Variants in GUCY1A2 observed in about 807,000 individuals in gnomAD.
GUCY1A2 encodes the protein guanylate cyclase soluble subunit alpha-2.
In GUCY1A2, 27 loss-of-function variants were observed where a neutral mutation model predicts 63.5. That is an observed-to-expected ratio of 0.43 (90% CI 0.31 to 0.59). GUCY1A2 has a LOEUF of 0.59. Among genes scored for constraint, GUCY1A2 ranks in the 20% least tolerant of loss-of-function variants. The pLI, the probability that GUCY1A2 is intolerant of heterozygous loss-of-function variation, is 0.11. For synonymous variants in GUCY1A2, 364 were observed against 343.5 expected (o/e 1.06, Z -0.66); for missense variants, 768 against 913.3 (o/e 0.84, Z 2.05).
At chr11:106,913,140 TA>T (rs1860318927) in intron 4 of GUCY1A2, among the ~76,000 whole-genome samples, 2 of 148,504 alleles carry the variant, frequency 1.3e-5, no homozygotes, top group African/African-American at 4.9e-5. Context: ...TATATATATA[TA>T]TAAAAGCAAT....
chr11:106,875,553 T>C (rs1324099244), intron 4 of GUCY1A2, among the ~76,000 whole-genome samples: 1 of 152,080 alleles, frequency 6.6e-6, no homozygotes, highest in Admixed American at 6.6e-5. Context: ...GACTTCATTG[T>C]TAAGAAAACT....
Position 106,677,137 on chromosome 11 carries a change from T to A in GUCY1A2, c.*10412A>T, listed in dbSNP as rs1212487981. On this transcript the variant is annotated 3_prime_UTR_variant, in exon 8 of 8. Coordinates refer to ENST00000526355, the MANE Select transcript of GUCY1A2 (RefSeq NM_000855.3). ...CAAATAGTAAAGTACTATTGTCATT[T>A]ATCTTATAAGAGCTAGAAAGAAATA... 4.6e-6 allele frequency: 1 copy of A among 217,928 alleles called. No individual in the cohort carries two copies. Among genetic ancestry groups the A allele is most frequent in the African/African-American group, 2.2e-5 (1 of 44,574 alleles). 13.5% of individuals were successfully genotyped at this position (217,928 alleles called of 1,614,324 possible).
chr11:106,856,679 G>A (rs1321543784), intron 4 of GUCY1A2, among the ~76,000 whole-genome samples: 1 of 152,122 alleles, frequency 6.6e-6, no homozygotes, highest in Non-Finnish European at 1.5e-5. Context: ...TGAGAAGCAA[G>A]ACTGGCACCT....
chr11:106,714,489 A>C (rs957388040), intron 6 of GUCY1A2, among the ~76,000 whole-genome samples: 1 of 152,226 alleles, frequency 6.6e-6, no homozygotes, highest in Non-Finnish European at 1.5e-5. Flanking sequence ...TCCCTCATTC[A>C]GAATGTGCCA....
At chr11:106,758,068 A>C (rs1017830634) in intron 6 of GUCY1A2, among the ~76,000 whole-genome samples, 2 of 152,150 alleles carry the variant, frequency 1.3e-5, no homozygotes, top group Non-Finnish European at 2.9e-5. Context: ...TGGAATCTAG[A>C]GAGGCAGTCA....
intron 4 of GUCY1A2, among the ~76,000 whole-genome samples, chr11:106,863,791 G>C (rs1353234397): frequency 6.6e-6 from 1 of 152,106 alleles, no homozygotes; most frequent in Non-Finnish European, 1.5e-5. Context: ...TCTATTGTTT[G>C]TGTCCTCTCT....
At position 106,678,127 on chromosome 11, in the gene GUCY1A2, A is replaced by C. The variant is rs1862375870; in HGVS notation, c.*9422T>G. The C allele has an allele frequency of 5.1e-6, 1 of 197,878 alleles. No individual in the cohort carries two copies. The highest frequency in any genetic ancestry group is 1.9e-4 in the South Asian group (1 of 5,264). The allele number at this position is 197,878 out of a possible 1,614,324, so 12.3% of individuals were successfully genotyped here. A position where few individuals can be genotyped will look rare whatever the true frequency, so the allele number is the denominator to read the frequency against. The stretch of plus-strand genomic sequence containing the variant: ...GGAACAAAAATTAAAGAATTTTTCT[A>C]AAAGTCCCCCTGAATTACTTTAGAT... On this transcript the variant is annotated 3_prime_UTR_variant, in exon 8 of 8. Coordinates refer to ENST00000526355, the MANE Select transcript of GUCY1A2 (RefSeq NM_000855.3).
At chr11:106,806,375 A>C (rs1394325076) in intron 5 of GUCY1A2, among the ~76,000 whole-genome samples, 3 of 152,176 alleles carry the variant, frequency 2.0e-5, no homozygotes, top group Non-Finnish European at 4.4e-5. Flanking sequence ...TTAAAATAGC[A>C]CTGGAACACT....
At chr11:106,854,465 G>T (rs1363186038) in intron 4 of GUCY1A2, among the ~76,000 whole-genome samples, 4 of 152,188 alleles carry the variant, frequency 2.6e-5, no homozygotes, top group African/African-American at 9.7e-5. Context: ...CCTGTCCTCA[G>T]TCTTCTGGCT....
chr11:106,780,330 C>A (rs1038644469), intron 5 of GUCY1A2, among the ~76,000 whole-genome samples: 6 of 152,046 alleles, frequency 3.9e-5, no homozygotes, highest in Admixed American at 3.9e-4. Flanking sequence ...CATACAGAAA[C>A]CTAAAAAATG....
At chr11:106,848,511 G>C (rs1244926409) in intron 4 of GUCY1A2, among the ~76,000 whole-genome samples, 1 of 151,546 alleles carries the variant, frequency 6.6e-6, no homozygotes, top group Non-Finnish European at 1.5e-5. Context: ...AACTGTAAAT[G>C]GTAGCATATC....
chr11:106,974,490 G>A (rs1256603774), intron 3 of GUCY1A2, among the ~76,000 whole-genome samples: 1 of 151,970 alleles, frequency 6.6e-6, no homozygotes, highest in Non-Finnish European at 1.5e-5. Context: ...GTATATACAA[G>A]TTGACATATA....
chr11:106,729,366 G>C (rs569091122), intron 6 of GUCY1A2, among the ~76,000 whole-genome samples: 1 of 152,180 alleles, frequency 6.6e-6, no homozygotes, highest in South Asian at 2.1e-4. Context: ...TGTGTAAAAA[G>C]CATTGCCAAA....
At chr11:106,949,396 T>A (rs1860874172) in intron 3 of GUCY1A2, among the ~76,000 whole-genome samples, 2 of 152,136 alleles carry the variant, frequency 1.3e-5, no homozygotes, top group South Asian at 4.1e-4. Context: ...CTCAACAATC[T>A]CTCTCTCATT....
At chr11:107,014,812 A>G (rs1861797909) in intron 1 of GUCY1A2, among the ~76,000 whole-genome samples, 1 of 152,206 alleles carries the variant, frequency 6.6e-6, no homozygotes, top group South Asian at 2.1e-4. Context: ...CCTGAAGTAT[A>G]TTGTGATGGC....
intron 4 of GUCY1A2, among the ~76,000 whole-genome samples, chr11:106,839,026 G>A (rs576478863): frequency 6.6e-6 from 1 of 152,140 alleles, no homozygotes; most frequent in African/African-American, 2.4e-5. Context: ...ATAGCTTTTG[G>A]TGTTTTAGAC....
At chr11:106,688,815 T>G (rs1200867228) in intron 7 of GUCY1A2, among the ~76,000 whole-genome samples, 1 of 151,984 alleles carries the variant, frequency 6.6e-6, no homozygotes, top group Admixed American at 6.6e-5. Context: ...TTTCAACAAG[T>G]GGATAAGGAA....
chr11:106,746,447 T>G (rs1217299446), intron 6 of GUCY1A2: 3 of 595,968 alleles, frequency 5.0e-6, no homozygotes, highest in Middle Eastern at 2.7e-4. Flanking sequence ...ATGATGATGA[T>G]ATTTGAATAA....
At chr11:106,923,869 T>A (rs1487542198) in intron 4 of GUCY1A2, among the ~76,000 whole-genome samples, 4 of 152,058 alleles carry the variant, frequency 2.6e-5, no homozygotes, top group Middle Eastern at 3.2e-3. Context: ...CAGAGGAAAT[T>A]TTCGTGGGGT....
Sources: allele counts gnomAD v4.1 joint callset (sites outside exome capture counted in the v4.1 genomes callset), GRCh38; gene constraint gnomAD v4.1.1; transcripts MANE v1.5; gene names NCBI Gene and HGNC (gene_info 2026-07-23, HGNC 2026-07-21).